Variants in FHIT observed in about 807,000 individuals in gnomAD.
FHIT encodes the protein bis(5'-adenosyl)-triphosphatase.
FHIT carries 19 observed loss-of-function variants against 17.9 expected under a neutral mutation model. That is an observed-to-expected ratio of 1.06 (90% CI 0.74 to 1.56). The LOEUF (loss-of-function observed/expected upper bound fraction) is 1.56, where lower values mean the gene tolerates loss of function less well. FHIT is among the 40% of genes most tolerant of loss of function. FHIT has a pLI of 0.00. For synonymous variants in FHIT, 81 were observed against 69.7 expected (o/e 1.16, Z -0.81); for missense variants, 248 against 189.2 (o/e 1.31, Z -1.82).
chr3:60,810,020 T>C (rs1413942667), intron 4 of FHIT, among the ~76,000 whole-genome samples: 1 of 152,170 alleles, frequency 6.6e-6, no homozygotes, highest in East Asian at 1.9e-4. Flanking sequence ...ACCCACACAC[T>C]GCGGTGATGA....
intron 3 of FHIT, among the ~76,000 whole-genome samples, chr3:61,014,233 A>T (rs908209793): frequency 3.3e-5 from 5 of 152,170 alleles, no homozygotes; most frequent in Non-Finnish European, 7.3e-5. Flanking sequence ...CAGCAATGAG[A>T]TACCATGATT....
chr3:59,858,125 G>A lies in FHIT; in HGVS notation c.348+64221C>T, dbSNP rs562603303. On this transcript the variant is annotated intron_variant, in intron 8 of 9. Transcript: ENST00000492590. ...AGGGAGTGAGTAGATGTCAAAGAAT[G>A]GTTTGCCCATTCAACATATGTGTGA... Among the ~76,000 whole-genome samples, 9 of 152,076 alleles carry A rather than the reference G, an allele frequency of 5.9e-5. No homozygotes were observed. The East Asian group carries it at 1.7e-3, about 29-fold the overall frequency.
chr3:60,491,016 C>G (rs1445567408), intron 5 of FHIT, among the ~76,000 whole-genome samples: 2 of 152,134 alleles, frequency 1.3e-5, no homozygotes, highest in Admixed American at 6.6e-5. Context: ...AGCAAATAAA[C>G]TAGATCTGGT....
intron 8 of FHIT, among the ~76,000 whole-genome samples, chr3:59,896,270 T>C (rs1327776343): frequency 2.0e-5 from 3 of 152,178 alleles, no homozygotes; most frequent in Non-Finnish European, 2.9e-5. Context: ...GTTGAATGAA[T>C]AGATAACTGA....
intron 7 of FHIT, among the ~76,000 whole-genome samples, chr3:59,928,978 G>A (rs1055561047): frequency 1.8e-5 from 2 of 113,410 alleles, no homozygotes; most frequent in Non-Finnish European, 3.3e-5. Context: ...CTGGGCGACA[G>A]AGTGAGACTT....
At chr3:60,929,177 A>C (rs1198361007) in intron 3 of FHIT, among the ~76,000 whole-genome samples, 1 of 152,090 alleles carries the variant, frequency 6.6e-6, no homozygotes, top group Admixed American at 6.6e-5. Context: ...CATGCTAAAA[A>C]CTCTCAATAA....
intron 8 of FHIT, among the ~76,000 whole-genome samples, chr3:59,835,918 TTAAGAG>T (rs370590754): frequency 1.1e-3 from 170 of 152,236 alleles, no homozygotes; most frequent in African/African-American, 4.0e-3. Context: ...CCCTAGTCGC[TTAAGAG>T]TAAATCAAGG....
intron 8 of FHIT, among the ~76,000 whole-genome samples, chr3:59,826,916 G>A (rs1700998598): frequency 6.6e-6 from 1 of 152,170 alleles, no homozygotes; most frequent in South Asian, 2.1e-4. Context: ...GGCATCCTAA[G>A]GGCACTCTCA....
intron 5 of FHIT, among the ~76,000 whole-genome samples, chr3:60,085,403 T>C (rs17325940): frequency 0.1 from 15,184 of 152,168 alleles, 937 homozygotes; most frequent in Non-Finnish European, 0.13. Flanking sequence ...TCTTCCCTTT[T>C]CACTGAAGCA....
At chr3:60,946,995 A>G (rs1268260677) in intron 3 of FHIT, among the ~76,000 whole-genome samples, 4 of 152,218 alleles carry the variant, frequency 2.6e-5, no homozygotes, top group Non-Finnish European at 5.9e-5. Flanking sequence ...AAACAGTCAG[A>G]TGTGGCTACT....
At chr3:60,464,697 C>G (rs548482898) in intron 5 of FHIT, among the ~76,000 whole-genome samples, 25 of 152,082 alleles carry the variant, frequency 1.6e-4, no homozygotes, top group Non-Finnish European at 3.1e-4. Flanking sequence ...AGATATCATT[C>G]TTTTTTATAG....
intron 5 of FHIT, among the ~76,000 whole-genome samples, chr3:60,500,594 AC>A (rs1381985195): frequency 6.7e-6 from 1 of 149,642 alleles, no homozygotes; most frequent in Non-Finnish European, 1.5e-5. Flanking sequence ...ACATGGTAAA[AC>A]CCCATCTCTA....
At chr3:61,005,159 C>G (rs115817639) in intron 3 of FHIT, among the ~76,000 whole-genome samples, 3,439 of 152,204 alleles carry the variant, frequency 0.023, 62 homozygotes, top group African/African-American at 0.049. Flanking sequence ...GTAAATGAAG[C>G]TCAGATATGT....
At chr3:60,958,751 G>A (rs551377193) in intron 3 of FHIT, among the ~76,000 whole-genome samples, 1 of 152,308 alleles carries the variant, frequency 6.6e-6, no homozygotes, top group South Asian at 2.1e-4. Context: ...TTGACCCTAA[G>A]TTATGACAGA....
chr3:61,015,484 A>G (rs1227383471), intron 3 of FHIT, among the ~76,000 whole-genome samples: 2 of 152,134 alleles, frequency 1.3e-5, no homozygotes, highest in Non-Finnish European at 2.9e-5. Context: ...CTTTTTATCT[A>G]ATTAATTACA....
At chr3:60,794,047 G>C (rs1024229366) in intron 4 of FHIT, among the ~76,000 whole-genome samples, 1 of 152,000 alleles carries the variant, frequency 6.6e-6, no homozygotes, top group Non-Finnish European at 1.5e-5. Flanking sequence ...AATTCAAAAA[G>C]TGCAGAAAAA....
intron 3 of FHIT, among the ~76,000 whole-genome samples, chr3:60,986,059 T>C (rs9867019): frequency 1.3e-5 from 2 of 152,252 alleles, no homozygotes; most frequent in African/African-American, 4.8e-5. Flanking sequence ...TTAGGCCTAC[T>C]GAGATAATGT....
chr3:60,395,538 G>A (rs1031335199), intron 5 of FHIT, among the ~76,000 whole-genome samples: 3 of 152,154 alleles, frequency 2.0e-5, no homozygotes, highest in African/African-American at 4.8e-5. Context: ...AGACAAAAGC[G>A]AATGAGTCAT....
chr3:61,150,707 G>T (rs1287060763), intron 2 of FHIT, among the ~76,000 whole-genome samples: 1 of 151,940 alleles, frequency 6.6e-6, no homozygotes, highest in Non-Finnish European at 1.5e-5. Flanking sequence ...TAAACTGAAG[G>T]AATAATGTAT....
Sources: allele counts gnomAD v4.1 joint callset (sites outside exome capture counted in the v4.1 genomes callset), GRCh38; gene constraint gnomAD v4.1.1; transcripts MANE v1.5; gene names NCBI Gene and HGNC (gene_info 2026-07-23, HGNC 2026-07-21).